COLEC10: variants seen among roughly 807,000 people sequenced by gnomAD.
The protein encoded by COLEC10 is collectin-10.
Under a neutral mutation model 28.4 loss-of-function variants are expected in COLEC10, and 22 were observed. The observed-to-expected ratio is 0.78, with a 90% confidence interval of 0.55 to 1.11. The LOEUF (loss-of-function observed/expected upper bound fraction) is 1.11. COLEC10 is among the 50% of genes least tolerant of loss of function. The pLI is 0.00. For synonymous variants in COLEC10, 125 were observed against 116.1 expected (o/e 1.08, Z -0.49); for missense variants, 361 against 344.1 (o/e 1.05, Z -0.39).
At chr8:119,044,053 C>T (rs759859105) in intron 2 of COLEC10, among the ~76,000 whole-genome samples, 4 of 152,206 alleles carry the variant, frequency 2.6e-5, no homozygotes, top group East Asian at 1.9e-4. Context: ...ACATATTTAC[C>T]ATTAGGCTGT....
At chr8:118,985,159 A>T in the COLEC10 span, among the ~76,000 whole-genome samples, 1 of 152,062 alleles carries the variant, frequency 6.6e-6, no homozygotes, top group Non-Finnish European at 1.5e-5. Flanking sequence ...TTGATTTTGG[A>T]TGTCTAGCTC....
intron 2 of COLEC10, among the ~76,000 whole-genome samples, chr8:119,048,435 T>G (rs576345859): frequency 7.9e-5 from 12 of 152,350 alleles, no homozygotes; most frequent in African/African-American, 2.6e-4. Context: ...ACATTGTCAG[T>G]GGGACATTGA....
intron 2 of COLEC10, among the ~76,000 whole-genome samples, chr8:119,017,610 G>A (rs1373083100): frequency 1.3e-5 from 2 of 152,146 alleles, no homozygotes; most frequent in Non-Finnish European, 2.9e-5. Flanking sequence ...CTGTGTTTTG[G>A]AAATTGCTGT....
intron 5 of COLEC10, among the ~76,000 whole-genome samples, chr8:119,104,411 A>G (rs1397024841): frequency 3.3e-5 from 5 of 152,246 alleles, no homozygotes; most frequent in Middle Eastern, 3.4e-3. Context: ...GGAATGTAGT[A>G]CAAGCTTCTC....
the COLEC10 span, among the ~76,000 whole-genome samples, chr8:118,953,192 C>T: frequency 1.3e-5 from 2 of 152,202 alleles, no homozygotes; most frequent in Admixed American, 6.5e-5. Context: ...TGTCATTCAG[C>T]TTTGTCCCTC....
At chr8:118,996,689 GA>G (rs1386884297) in intron 1 of COLEC10, among the ~76,000 whole-genome samples, 1 of 152,178 alleles carries the variant, frequency 6.6e-6, no homozygotes, top group Non-Finnish European at 1.5e-5. Flanking sequence ...TTACCACAGT[GA>G]AATACCTGGA....
chr8:119,075,064 C>T (rs1249482280), intron 1 of COLEC10, among the ~76,000 whole-genome samples: 1 of 152,162 alleles, frequency 6.6e-6, no homozygotes, highest in African/African-American at 2.4e-5. Flanking sequence ...ATTGTGTTTC[C>T]TGTTTATCGT....
At chr8:119,069,605 CAAA>C (rs138362458) in intron 1 of COLEC10, among the ~76,000 whole-genome samples, 3 of 8,798 alleles carry the variant, frequency 3.4e-4, no homozygotes, top group African/African-American at 4.8e-4. Context: ...GACCCCATCT[CAAA>C]AAAAAAAAAA....
chr8:118,981,663 C>G, the COLEC10 span, among the ~76,000 whole-genome samples: 1 of 152,046 alleles, frequency 6.6e-6, no homozygotes, highest in Non-Finnish European at 1.5e-5. Context: ...CTATTTGAAA[C>G]TAAAGTTACT....
intron 1 of COLEC10, among the ~76,000 whole-genome samples, chr8:119,075,892 C>CTTTTTTTTTTTTTTTTTTT (rs35870985): frequency 1.2e-5 from 1 of 82,404 alleles, no homozygotes. Flanking sequence ...TCAGCCATAT[C>CTTTTTTTTTTTTTTTTTTT]TTTTTTTTTT....
rs564118696 is a variant in COLEC10 at position 119,104,234 on chromosome 8, G to T, written c.442+339G>T. On this transcript the variant is annotated intron_variant, in intron 5 of 5. Transcript: ENST00000332843. The stretch of plus-strand genomic sequence containing the variant: ...AGAACTAGCATCTCAGAAAATAGAG[G>T]TAATAATAACAATAACTGCTTTCTT... Among the ~76,000 whole-genome samples, 8 of 152,202 alleles carry T rather than the reference G, an allele frequency of 5.3e-5. No individual in the cohort carries two copies. In the South Asian group the frequency reaches 1.7e-3, roughly 32 times the overall value.
At chr8:119,000,066 A>G (rs1301145677) in intron 1 of COLEC10, among the ~76,000 whole-genome samples, 2 of 152,214 alleles carry the variant, frequency 1.3e-5, no homozygotes, top group African/African-American at 4.8e-5. Flanking sequence ...GAAAGAGCAT[A>G]GTGCTGATTT....
chr8:118,956,548 C>G, the COLEC10 span, among the ~76,000 whole-genome samples: 1 of 152,072 alleles, frequency 6.6e-6, no homozygotes, highest in Non-Finnish European at 1.5e-5. Context: ...AAACTTTTTC[C>G]AGTCACTCTA....
chr8:118,952,475 C>T, the COLEC10 span, among the ~76,000 whole-genome samples: 3 of 152,224 alleles, frequency 2.0e-5, no homozygotes, highest in African/African-American at 7.2e-5. Flanking sequence ...TTGTCTGAGC[C>T]CTTTTCGGGG....
the COLEC10 span, among the ~76,000 whole-genome samples, chr8:118,969,253 T>C: frequency 6.6e-6 from 1 of 152,066 alleles, no homozygotes; most frequent in Admixed American, 6.6e-5. Context: ...CAGTACTTTG[T>C]AGCCCCATAA....
chr8:119,067,794 C>G (rs1370341105), intron 1 of COLEC10: 1 of 168,180 alleles, frequency 5.9e-6, no homozygotes, highest in Non-Finnish European at 1.3e-5. Context: ...TGTTTGTACT[C>G]TCCTCCTTTC....
rs554904779 is a variant in COLEC10, at chr8:118,998,460, C to T, written n.122+2887C>T. ...CAAATAAAAAGCATGATCACTTAGG[C>T]ATTTTGCTGAGATAGCGCATGAATA... On this transcript the variant is annotated intron_variant and non_coding_transcript_variant, in intron 1 of 6. Coordinates refer to the COLEC10 transcript ENST00000521788. Among the ~76,000 whole-genome samples the T allele has an allele frequency of 1.7e-4, 26 of 152,226 alleles. 1 individual carries two copies. The South Asian group carries it at 4.6e-3, about 27-fold the overall frequency.
At chr8:119,056,136 T>A (rs1814757745) in intron 2 of COLEC10, among the ~76,000 whole-genome samples, 2 of 152,070 alleles carry the variant, frequency 1.3e-5, no homozygotes, top group Admixed American at 6.6e-5. Flanking sequence ...AATCAATAGA[T>A]CTTGTCACTT....
chr8:119,101,060 T>G (rs1204050336), intron 3 of COLEC10, among the ~76,000 whole-genome samples: 1 of 152,180 alleles, frequency 6.6e-6, no homozygotes, highest in African/African-American at 2.4e-5. Context: ...CCTCAGCGCA[T>G]GCAACATGGG....
Sources: gnomAD v4.1 joint callset for allele counts (sites outside exome capture counted in the v4.1 genomes callset) on GRCh38, gnomAD v4.1.1 for gene constraint, MANE v1.5 for transcripts, NCBI Gene and HGNC (gene_info 2026-07-23, HGNC 2026-07-21) for gene names.